The following SLC25A17 variants were observed in gnomAD, a reference collection of about 807,000 sequenced individuals.
SLC25A17 encodes solute carrier family 25 member 17, also known as peroxisomal membrane protein PMP34.
A neutral mutation model predicts 38.5 loss-of-function variants in SLC25A17; 26 were observed. The observed-to-expected ratio is 0.68, with a 90% CI of 0.50 to 0.94. The LOEUF (loss-of-function observed/expected upper bound fraction) is 0.94, where lower values mean the gene tolerates loss of function less well. Ranked by LOEUF, SLC25A17 falls within the 40% of genes least tolerant of loss-of-function variation. The pLI is 0.00. For missense variants in SLC25A17, 333 were observed against 372.7 expected (o/e 0.89, Z 0.88); for synonymous variants, 139 against 136.2 (o/e 1.02, Z -0.14).
chr22:40,810,160 A>G (rs957342333), intron 1 of SLC25A17, among the ~76,000 whole-genome samples: 3 of 152,114 alleles, frequency 2.0e-5, no homozygotes, highest in Admixed American at 2.0e-4. Flanking sequence ...TCCTGATACA[A>G]GAGCATCCAA....
chr22:40,771,238 G>C (rs1181908048), intron 8 of SLC25A17, among the ~76,000 whole-genome samples: 3 of 152,066 alleles, frequency 2.0e-5, no homozygotes, highest in Non-Finnish European at 2.9e-5. Flanking sequence ...CTCCCTAGCA[G>C]CTGGGACTAG....
intron 1 of SLC25A17, among the ~76,000 whole-genome samples, chr22:40,814,523 G>T (rs2057615244): frequency 7.7e-6 from 1 of 129,924 alleles, no homozygotes; most frequent in Non-Finnish European, 1.7e-5. Flanking sequence ...TAGTGAATGA[G>T]AAGTACTAAT....
At chr22:40,780,855 A>G (rs1223745515) in intron 4 of SLC25A17, among the ~76,000 whole-genome samples, 1 of 152,230 alleles carries the variant, frequency 6.6e-6, no homozygotes, top group Non-Finnish European at 1.5e-5. Context: ...AGCTAAGATT[A>G]AGATCTAACC....
At chr22:40,787,200 A>C (rs1236973735) in intron 4 of SLC25A17, among the ~76,000 whole-genome samples, 1 of 148,904 alleles carries the variant, frequency 6.7e-6, no homozygotes, top group Non-Finnish European at 1.5e-5. Flanking sequence ...ATGGGAGTTA[A>C]TAAGATGAAA....
intron 4 of SLC25A17, among the ~76,000 whole-genome samples, chr22:40,785,213 G>A (rs982417272): frequency 2.1e-4 from 32 of 152,130 alleles, no homozygotes; most frequent in African/African-American, 4.3e-4. Context: ...GTGAAACCCC[G>A]TCTCTACTAA....
In SLC25A17 at chr22:40,794,540, G is replaced by A. The variant is rs773162341; in HGVS notation, c.156C>T (p.Leu52=). 5.6e-6 allele frequency: 9 copies of A among 1,611,646 alleles called. No individual in the cohort carries two copies. Among genetic ancestry groups the A allele is most frequent in the Admixed American group, 1.7e-5 (1 of 59,976 alleles). Residue 52 remains leucine, a synonymous_variant, in exon 3 of 9, where the codon CTC becomes CTT. Coordinates refer to ENST00000435456, the MANE Select transcript of SLC25A17 (RefSeq NM_006358.4). ...GTCCTTCTTCTTTAATGATCTCCAG[G>A]AGCACCATGTGTGTAGTTTTGGATT... ...KRKSKTTHMV[L]LEIIKEEGLL... is the part of the protein sequence containing the mutation.
chr22:40,776,399 A>T, intron 7 of SLC25A17: 1 of 408,738 alleles, frequency 2.4e-6, no homozygotes, highest in Non-Finnish European at 4.9e-6. Context: ...TTAACCTCTG[A>T]CTTTGTAAAG....
chr22:40,788,086 A>G (rs527897945), intron 4 of SLC25A17, among the ~76,000 whole-genome samples: 1 of 152,300 alleles, frequency 6.6e-6, no homozygotes, highest in African/African-American at 2.4e-5. Context: ...AGCCTTCTCT[A>G]TTTAGAAGTA....
intron 8 of SLC25A17, among the ~76,000 whole-genome samples, chr22:40,772,519 T>C (rs2057194772): frequency 6.6e-6 from 1 of 152,136 alleles, no homozygotes; most frequent in Admixed American, 6.5e-5. Context: ...CCCAGGCCAG[T>C]ATCAAACTCC....
chr22:40,793,753 T>C (rs910929225), intron 3 of SLC25A17, among the ~76,000 whole-genome samples: 12 of 152,106 alleles, frequency 7.9e-5, no homozygotes, highest in African/African-American at 2.4e-4. Context: ...GCTGGGATTG[T>C]AGGCATGCGC....
At position 40,770,651 on chromosome 22, in the gene SLC25A17, A is replaced by G; in HGVS notation, c.*183T>C. On this transcript the variant is annotated 3_prime_UTR_variant, in exon 9 of 9. Transcript: ENST00000435456. ...CCACCCCAAAATCCAACCAGCCAGC[A>G]TGACAATTAAGGTGACAACAGGTCC... The G allele has an allele frequency of 2.2e-6, 1 of 453,190 alleles. No individual in the cohort carries two copies. Among genetic ancestry groups the G allele is most frequent in the South Asian group, 8.9e-5 (1 of 11,188 alleles). 28.1% of individuals were successfully genotyped at this position (453,190 alleles called of 1,614,324 possible).
At chr22:40,808,379 T>C (rs150419060) in intron 1 of SLC25A17, among the ~76,000 whole-genome samples, 1 of 152,358 alleles carries the variant, frequency 6.6e-6, no homozygotes, top group Non-Finnish European at 1.5e-5. Flanking sequence ...TTAAGGGGTC[T>C]GCCCAAAGCC....
Position 40,777,212 on chromosome 22 carries a change from C to G in SLC25A17, c.597+16G>C, listed in dbSNP as rs1033266015. ...TCAGACAGAATTATTTTACTGCTTT[C>G]AAAATCAAGGATTACCTTCATCCGT... On this transcript the variant is annotated intron_variant, in intron 6 of 8. Transcript: ENST00000435456. 1 of 1,613,180 alleles carries G rather than the reference C, an allele frequency of 6.2e-7. No homozygotes were observed. Among genetic ancestry groups the G allele is most frequent in the Admixed American group, 1.7e-5 (1 of 60,000 alleles).
intron 2 of SLC25A17, among the ~76,000 whole-genome samples, chr22:40,794,816 G>A (rs528890829): frequency 1.3e-5 from 2 of 151,908 alleles, no homozygotes; most frequent in South Asian, 2.1e-4. Context: ...GCGGGGTTTC[G>A]CAATTTTGGC....
At chr22:40,811,293 G>A (rs2057578483) in intron 1 of SLC25A17, among the ~76,000 whole-genome samples, 1 of 149,816 alleles carries the variant, frequency 6.7e-6, no homozygotes, top group African/African-American at 2.5e-5. Context: ...GTTTCACTGT[G>A]TTGGTCAAGC....
intron 4 of SLC25A17, among the ~76,000 whole-genome samples, chr22:40,791,661 AT>A (rs1351721072): frequency 1.3e-5 from 2 of 152,260 alleles, no homozygotes; most frequent in East Asian, 3.8e-4. Flanking sequence ...ATCACTAATC[AT>A]CAGAGAAATG....
chr22:40,782,242 C>CAAT (rs899283301), intron 4 of SLC25A17, among the ~76,000 whole-genome samples: 1 of 151,754 alleles, frequency 6.6e-6, no homozygotes, highest in African/African-American at 2.4e-5. Context: ...ACAACAACAA[C>CAAT]AACAACAACT....
chr22:40,819,280 T>A lies in SLC25A17; in HGVS notation c.-32A>T. 1 of 1,612,672 alleles carries A rather than the reference T, an allele frequency of 6.2e-7. No homozygotes were observed. Among genetic ancestry groups the A allele is most frequent in the Non-Finnish European group, 8.5e-7 (1 of 1,179,048 alleles). On this transcript the variant is annotated 5_prime_UTR_variant, in exon 1 of 9. Transcript: ENST00000435456. Reference sequence around the variant, plus strand: ...GGCTCCTCGAAGACCCAGCCACACTTTTCCCACAGATGCCGCAGCCAGTGG... The same window carrying A: ...GGCTCCTCGAAGACCCAGCCACACTATTCCCACAGATGCCGCAGCCAGTGG...
At position 40,779,028 on chromosome 22, in the gene SLC25A17, T is replaced by C. The variant is rs753805125; in HGVS notation, c.432A>G (p.Thr144=). 7 of 1,613,860 alleles carry C rather than the reference T, an allele frequency of 4.3e-6. No individual in the cohort carries two copies. Among genetic ancestry groups the C allele is most frequent in the Middle Eastern group, 1.7e-4 (1 of 6,060 alleles). Residue 144 remains threonine (T), a synonymous_variant, in exon 5 of 9, where the codon ACA becomes ACG. Coordinates refer to ENST00000435456, the MANE Select transcript of SLC25A17 (RefSeq NM_006358.4). ...ACTTACCAATGATACCTTTGTAGTTTGTTGGTACAATGTCTTCATTCCTAA... is the reference window on the plus strand; with the variant it reads ...ACTTACCAATGATACCTTTGTAGTTCGTTGGTACAATGTCTTCATTCCTAA... The part of the protein sequence containing the change: ...AKFRNEDIVP[T]NYKGIIDAFH...
Sources: gnomAD v4.1 joint callset for allele counts (sites outside exome capture counted in the v4.1 genomes callset) on GRCh38, gnomAD v4.1.1 for gene constraint, MANE v1.5 for transcripts, NCBI Gene and HGNC (gene_info 2026-07-23, HGNC 2026-07-21) for gene names.